WDFY3: variants seen among roughly 807,000 people sequenced by gnomAD.
The protein encoded by WDFY3 is WD repeat and FYVE domain containing 3.
In WDFY3, 66 loss-of-function variants were observed where a neutral mutation model predicts 409.6. That is an observed-to-expected ratio of 0.16 (90% CI 0.13 to 0.20). The LOEUF (loss-of-function observed/expected upper bound fraction) is 0.20. Among genes scored for constraint, WDFY3 ranks in the 10% least tolerant of loss-of-function variants. The probability of loss-of-function intolerance (pLI) is 1.00; values close to 1 mark genes in which losing one functional copy is unlikely to be tolerated. For missense variants in WDFY3, 3,031 were observed against 4,298.1 expected (o/e 0.71, Z 8.24); for synonymous variants, 1,521 against 1,537.1 (o/e 0.99, Z 0.25).
chr4:84,775,147 A>C lies in WDFY3; in HGVS notation c.4519-9T>G. The C allele has an allele frequency of 6.2e-7, 1 of 1,610,840 alleles. No homozygotes were observed. On this transcript the variant is annotated splice_polypyrimidine_tract_variant and intron_variant, in intron 27 of 67. Transcript: ENST00000295888. ...GGTGCATGGAGCCAGACCTATAATA[A>C]ATAAAAACAGTAGTATATTTAAGGT...
At chr4:84,758,734 A>G (rs1336070211) in intron 32 of WDFY3, among the ~76,000 whole-genome samples, 1 of 152,174 alleles carries the variant, frequency 6.6e-6, no homozygotes, top group Non-Finnish European at 1.5e-5. Flanking sequence ...TAAAAAAATT[A>G]TATAGCAATT....
At chr4:84,695,499 C>CAGAGAGAGACAGAGAG (rs1217791319) in intron 58 of WDFY3, among the ~76,000 whole-genome samples, 5 of 73,066 alleles carry the variant, frequency 6.8e-5, no homozygotes, top group African/African-American at 2.2e-4. Flanking sequence ...CACACAGAGA[C>CAGAGAGAGACAGAGAG]AGAGAGAGAT....
Position 84,690,657 on chromosome 4 carries a change from G to C in WDFY3, c.9212C>G (p.Thr3071Ser). 6.2e-7 allele frequency: 1 copy of C among 1,612,278 alleles called. No individual in the cohort carries two copies. Among genetic ancestry groups the C allele is most frequent in the Non-Finnish European group, 8.5e-7 (1 of 1,179,144 alleles). Reference protein sequence around the residue: ...LGTYESDKAMTVYECLSEWGQ... With the variant: ...LGTYESDKAMSVYECLSEWGQ... ...CCACTCAGACAAGCATTCATAAACA[G>C]TCATGGCCTATAAAGTAAAACGGAT... The change falls in exon 61 of 68, where the codon ACT becomes AGT. Residue 3071 changes from threonine (T) to serine (S), a missense_variant. Around this residue, in one of 16 missense-constraint regions of WDFY3, gnomAD observed 152 missense variants for 193.5 expected, o/e 0.79. Coordinates refer to ENST00000295888, the MANE Select transcript of WDFY3 (RefSeq NM_014991.6).
intron 32 of WDFY3, among the ~76,000 whole-genome samples, chr4:84,760,721 G>A (rs1459621407): frequency 6.2e-4 from 92 of 147,588 alleles, no homozygotes; most frequent in African/African-American, 1.5e-3. Flanking sequence ...TCTTGCTAGC[G>A]GTCTATCAAT....
At chr4:84,905,821 A>G (rs1766970687) in intron 2 of WDFY3, among the ~76,000 whole-genome samples, 1 of 152,140 alleles carries the variant, frequency 6.6e-6, no homozygotes, top group Non-Finnish European at 1.5e-5. Context: ...TCAATTCCTC[A>G]TACACCAACT....
intron 34 of WDFY3, 121 bp from the exon 35 acceptor site, chr4:84,753,997 G>C: frequency 9.1e-7 from 1 of 1,101,298 alleles, no homozygotes; most frequent in East Asian, 3.0e-5. Flanking sequence ...CCAGAACTCT[G>C]TAAACCACAC....
intron 48 of WDFY3, among the ~76,000 whole-genome samples, chr4:84,717,940 C>T (rs185108441): frequency 7.5e-4 from 113 of 150,220 alleles, no homozygotes; most frequent in African/African-American, 2.3e-3. Flanking sequence ...CCCAGCTACT[C>T]GGGAGGCTGA....
chr4:84,716,570 G>A (rs1229813040), intron 49 of WDFY3, among the ~76,000 whole-genome samples: 1 of 151,830 alleles, frequency 6.6e-6, no homozygotes, highest in East Asian at 1.9e-4. Context: ...GCCAAGGCGG[G>A]CGGATCATGA....
chr4:84,754,774 A>C (rs1741144097), intron 34 of WDFY3, among the ~76,000 whole-genome samples: 1 of 152,230 alleles, frequency 6.6e-6, no homozygotes, highest in South Asian at 2.1e-4. Context: ...AAGTGACTTT[A>C]AAAGTTGAAA....
At chr4:84,868,334 T>C (rs1255910810) in intron 3 of WDFY3, among the ~76,000 whole-genome samples, 2 of 152,016 alleles carry the variant, frequency 1.3e-5, no homozygotes, top group Non-Finnish European at 2.9e-5. Flanking sequence ...AACTCTGAGA[T>C]GATCCCAACA....
intron 39 of WDFY3, 75 bp downstream of exon 39, chr4:84,740,111 CA>C (rs1014681305): frequency 1.2e-4 from 168 of 1,410,972 alleles, no homozygotes; most frequent in Non-Finnish European, 1.4e-4. Context: ...ATGTTACTAT[CA>C]AAAAAAATAA....
intron 39 of WDFY3, chr4:84,739,446 T>C (rs1738018775): frequency 3.9e-6 from 1 of 255,274 alleles, no homozygotes; most frequent in Non-Finnish European, 7.7e-6. Flanking sequence ...GCCTGTGTCC[T>C]CTCTCCAGTC....
intron 5 of WDFY3, chr4:84,844,367 A>C: frequency 8.3e-7 from 1 of 1,197,886 alleles, no homozygotes; most frequent in Non-Finnish European, 1.1e-6. Flanking sequence ...AAATTCCACA[A>C]GTTAGTCAGA....
chr4:84,715,206 T>C, intron 50 of WDFY3, 92 bp downstream of exon 50: 1 of 689,462 alleles, frequency 1.5e-6, no homozygotes, highest in Non-Finnish European at 2.5e-6. Context: ...GGCTCATTGA[T>C]CTAGATTTTT....
chr4:84,885,796 C>G (rs910440942), intron 3 of WDFY3, among the ~76,000 whole-genome samples: 4 of 152,196 alleles, frequency 2.6e-5, no homozygotes, highest in African/African-American at 9.6e-5. Flanking sequence ...AAACTACACA[C>G]ATGACTAGTG....
At chr4:84,756,078 C>T (rs1217608513) in intron 33 of WDFY3, among the ~76,000 whole-genome samples, 1 of 152,144 alleles carries the variant, frequency 6.6e-6, no homozygotes, top group Admixed American at 6.5e-5. Context: ...TACAGTGCCA[C>T]AAACATAAGC....
At chr4:84,894,256 T>C (rs1485347848) in intron 3 of WDFY3, among the ~76,000 whole-genome samples, 2 of 152,234 alleles carry the variant, frequency 1.3e-5, no homozygotes, top group African/African-American at 4.8e-5. Flanking sequence ...GTTATGTTGA[T>C]AAAAGCTTAC....
intron 1 of WDFY3, among the ~76,000 whole-genome samples, chr4:84,941,857 C>T (rs535824629): frequency 6.6e-6 from 1 of 152,020 alleles, no homozygotes; most frequent in African/African-American, 2.4e-5. Flanking sequence ...ATTCCAGAAA[C>T]AGATACACAC....
At chr4:84,956,603 A>C (rs113891259) in intron 1 of WDFY3, among the ~76,000 whole-genome samples, 4,507 of 152,288 alleles carry the variant, frequency 0.03, 99 homozygotes, top group Non-Finnish European at 0.042. Context: ...ACTCATTTAT[A>C]GTCCTCTAAA....
Sources: gnomAD v4.1 joint callset for allele counts (sites outside exome capture counted in the v4.1 genomes callset) on GRCh38, gnomAD v4.1.1 for gene constraint, gnomAD v4.1.1 regional missense constraint, MANE v1.5 for transcripts, NCBI Gene and HGNC (gene_info 2026-07-23, HGNC 2026-07-21) for gene names.